COL5A2: variants seen among roughly 807,000 people sequenced by gnomAD.
The protein encoded by COL5A2 is collagen type V alpha 2 chain.
COL5A2 carries 23 observed loss-of-function variants against 208.2 expected under a neutral mutation model. The observed-to-expected ratio is 0.11, with a 90% CI of 0.08 to 0.16. The LOEUF (loss-of-function observed/expected upper bound fraction) is 0.16. COL5A2 is among the 10% of genes least tolerant of loss of function. The pLI is 1.00. For synonymous variants in COL5A2, 625 were observed against 628.5 expected (o/e 0.99, Z 0.08); for missense variants, 1,590 against 1,956.4 (o/e 0.81, Z 3.53).
In COL5A2 at chr2:189,043,258, C is replaced by G; in HGVS notation, c.3364G>C (p.Gly1122Arg). 3 of 1,604,758 alleles carry G rather than the reference C, an allele frequency of 1.9e-6. No homozygotes were observed. The highest frequency in any genetic ancestry group is 2.6e-6 in the Non-Finnish European group (3 of 1,171,786). Residue 1122 changes from glycine to arginine, a missense_variant and splice_region_variant, in exon 48 of 54, where the codon GGA becomes CGA. Gly to Arg is a moderately radical substitution (Grantham distance 125). Coordinates refer to ENST00000374866, the MANE Select transcript of COL5A2 (RefSeq NM_000393.5). Reference protein sequence around the residue: ...PGRAGKRGLPGPQGPRGDKGD... With the variant: ...PGRAGKRGLPRPQGPRGDKGD... ...TTGTCACCACGAGGTCCTTGGGGTCCCTAGAAATAGAGATATGGCATGAAA... is the reference window on the plus strand; with the variant it reads ...TTGTCACCACGAGGTCCTTGGGGTCGCTAGAAATAGAGATATGGCATGAAA...
chr2:189,280,707 C>T, the COL5A2 span, among the ~76,000 whole-genome samples: 1 of 152,016 alleles, frequency 6.6e-6, no homozygotes, highest in Admixed American at 6.6e-5. Flanking sequence ...TGAAATATTT[C>T]TTATATTGAA....
chr2:189,138,099 T>G (rs1159948640), intron 1 of COL5A2, among the ~76,000 whole-genome samples: 2 of 152,002 alleles, frequency 1.3e-5, no homozygotes, highest in Non-Finnish European at 2.9e-5. Context: ...CTCAGCCTCC[T>G]GAGTAGCTGG....
At chr2:189,408,639 T>G in the COL5A2 span, among the ~76,000 whole-genome samples, 1 of 152,202 alleles carries the variant, frequency 6.6e-6, no homozygotes, top group Non-Finnish European at 1.5e-5. Flanking sequence ...ATCTTTTTAC[T>G]ATCACCCTTA....
At chr2:189,215,782 A>G (rs990238326) in intron 1 of COL5A2, among the ~76,000 whole-genome samples, 10 of 152,142 alleles carry the variant, frequency 6.6e-5, no homozygotes, top group Admixed American at 1.3e-4. Context: ...AATTCATCAA[A>G]ATTCAATTCT....
chr2:189,293,527 T>C, the COL5A2 span, among the ~76,000 whole-genome samples: 1 of 152,138 alleles, frequency 6.6e-6, no homozygotes, highest in African/African-American at 2.4e-5. Context: ...TGTGTTGAAA[T>C]CCTAACCCAC....
intron 1 of COL5A2, among the ~76,000 whole-genome samples, chr2:189,151,500 G>A (rs980468143): frequency 6.6e-6 from 1 of 152,092 alleles, no homozygotes; most frequent in African/African-American, 2.4e-5. Context: ...GACGGTAAAT[G>A]TTTAAACAGT....
intron 1 of COL5A2, among the ~76,000 whole-genome samples, chr2:189,146,276 A>C (rs1688038509): frequency 6.6e-6 from 1 of 152,146 alleles, no homozygotes. Context: ...AAAAATATGA[A>C]CCTTACTTAT....
intron 1 of COL5A2, among the ~76,000 whole-genome samples, chr2:189,165,476 T>A (rs1250581339): frequency 6.6e-6 from 1 of 152,208 alleles, no homozygotes; most frequent in Admixed American, 6.5e-5. Context: ...CTGGGAATAA[T>A]CTGATAAAAA....
At chr2:189,115,940 T>A (rs1053833535) in intron 1 of COL5A2, among the ~76,000 whole-genome samples, 1 of 152,184 alleles carries the variant, frequency 6.6e-6, no homozygotes. Context: ...ACTTGGTGGT[T>A]CTTACCAGGT....
intron 1 of COL5A2, among the ~76,000 whole-genome samples, chr2:189,212,638 CAAA>C (rs56171271): frequency 7.7e-6 from 1 of 129,298 alleles, no homozygotes. Context: ...GACTCAGTCT[CAAA>C]AAAAAAAAAA....
At chr2:189,283,935 G>C in the COL5A2 span, among the ~76,000 whole-genome samples, 1 of 152,032 alleles carries the variant, frequency 6.6e-6, no homozygotes, top group South Asian at 2.1e-4. Context: ...CCATTAATCT[G>C]GAAATATGTA....
At chr2:189,232,746 G>T in the COL5A2 span, among the ~76,000 whole-genome samples, 1 of 151,612 alleles carries the variant, frequency 6.6e-6, no homozygotes, top group African/African-American at 2.4e-5. Flanking sequence ...CAAAAGAGAA[G>T]CCAGAGACTT....
chr2:189,194,867 T>G (rs1688977691), intron 1 of COL5A2, among the ~76,000 whole-genome samples: 1 of 152,234 alleles, frequency 6.6e-6, no homozygotes, highest in Non-Finnish European at 1.5e-5. Flanking sequence ...ATGTGGTTTT[T>G]GTCATTGGTT....
chr2:189,226,729 G>A (rs754382630), upstream of COL5A2, among the ~76,000 whole-genome samples: 1 of 152,076 alleles, frequency 6.6e-6, no homozygotes, highest in Non-Finnish European at 1.5e-5. Flanking sequence ...GCAGACAGAG[G>A]CCTCCCCCTC....
chr2:189,203,728 G>A (rs1559144896), intron 1 of COL5A2, among the ~76,000 whole-genome samples: 1 of 152,244 alleles, frequency 6.6e-6, no homozygotes, highest in East Asian at 1.9e-4. Context: ...TAGCCTAAAA[G>A]AGACTTAATT....
the COL5A2 span, among the ~76,000 whole-genome samples, chr2:189,393,157 C>CT: frequency 7.0e-4 from 105 of 149,420 alleles, no homozygotes; most frequent in East Asian, 2.7e-3. Flanking sequence ...CTTTTTCAAA[C>CT]TTTTTTTTTT....
intron 42 of COL5A2, 146 bp from the exon 43 acceptor site, chr2:189,050,822 G>C: frequency 1.5e-6 from 1 of 669,432 alleles, no homozygotes; most frequent in South Asian, 1.9e-5. Flanking sequence ...CATATGAGTA[G>C]TCATAAATTG....
chr2:189,158,656 C>T (rs1195871436), intron 1 of COL5A2, among the ~76,000 whole-genome samples: 1 of 151,994 alleles, frequency 6.6e-6, no homozygotes, highest in Non-Finnish European at 1.5e-5. Flanking sequence ...TTCATCCTTC[C>T]TTGGATCTCT....
intron 1 of COL5A2, among the ~76,000 whole-genome samples, chr2:189,170,246 G>T (rs564969005): frequency 3.3e-5 from 5 of 152,070 alleles, no homozygotes; most frequent in African/African-American, 1.2e-4. Flanking sequence ...ATTTGAATTC[G>T]GATCACTCAT....
Sources: gnomAD v4.1 joint callset for allele counts (sites outside exome capture counted in the v4.1 genomes callset) on GRCh38, gnomAD v4.1.1 for gene constraint, MANE v1.5 for transcripts, NCBI Gene and HGNC (gene_info 2026-07-23, HGNC 2026-07-21) for gene names.